KIT: variants seen among roughly 807,000 people sequenced by gnomAD.
KIT encodes the protein KIT proto-oncogene, receptor tyrosine kinase.
A neutral mutation model predicts 105.7 loss-of-function variants in KIT; 16 were observed. The ratio of observed to expected loss-of-function variants is 0.15; its 90% CI spans 0.10 to 0.23. The LOEUF is 0.23. KIT is among the 10% of genes least tolerant of loss of function. KIT has a pLI of 1.00. For synonymous variants in KIT, 438 were observed against 441.1 expected (o/e 0.99, Z 0.09); for missense variants, 858 against 1,213.8 (o/e 0.71, Z 4.36).
At chr4:54,737,148 G>A in intron 19 of KIT, 27 bp from the exon 20 acceptor site, 2 of 1,429,352 alleles carry the variant, frequency 1.4e-6, no homozygotes, top group South Asian at 1.1e-5. Context: ...CATTGAGGAG[G>A]GATAGTAAAT....
intron 1 of KIT, among the ~76,000 whole-genome samples, chr4:54,671,854 A>T (rs1308212013): frequency 1.3e-5 from 2 of 152,190 alleles, no homozygotes; most frequent in African/African-American, 4.8e-5. Flanking sequence ...ACACTTACCA[A>T]TACGGCCTCT....
In KIT at chr4:54,724,713, G is replaced by A. The variant is rs1036747808; in HGVS notation, c.1346+1015G>A. On this transcript the variant is annotated intron_variant, in intron 8 of 20. Coordinates refer to ENST00000288135, the MANE Select transcript of KIT (RefSeq NM_000222.3). Reference sequence around the variant, plus strand: ...ACACTGGAAGAAGACGACTGTCTTAGGCCACACATAAAATATAGTAACACT... The same window carrying A: ...ACACTGGAAGAAGACGACTGTCTTAAGCCACACATAAAATATAGTAACACT... Among the ~76,000 whole-genome samples, 21 of 151,682 alleles carry A rather than the reference G, an allele frequency of 1.4e-4. 1 individual carries two copies. The highest frequency in any genetic ancestry group is 4.4e-5 in the Non-Finnish European group (3 of 67,980).
intron 20 of KIT, 70 bp from the exon 21 acceptor site, chr4:54,738,358 TG>T (rs1388723760): frequency 6.4e-7 from 1 of 1,563,284 alleles, no homozygotes; most frequent in Non-Finnish European, 8.8e-7. Context: ...ATCTTGACAC[TG>T]TAAGTATGCC....
At chr4:54,696,725 C>T (rs1002271503) in intron 2 of KIT, among the ~76,000 whole-genome samples, 1 of 152,244 alleles carries the variant, frequency 6.6e-6, no homozygotes, top group Non-Finnish European at 1.5e-5. Flanking sequence ...TTCTAACATG[C>T]TCCATCAGGA....
At chr4:54,696,213 A>G (rs1372159859) in intron 2 of KIT, among the ~76,000 whole-genome samples, 1 of 152,198 alleles carries the variant, frequency 6.6e-6, no homozygotes, top group Non-Finnish European at 1.5e-5. Context: ...TAAGGAGTAA[A>G]TTTCAGAAAA....
chr4:54,698,487 C>A lies in KIT; in HGVS notation c.541C>A (p.Arg181=), dbSNP rs2109674102. ...MIKSVKRAYH[R]LCLHCSVDQE... is the part of the protein sequence containing the mutation. ...CAAAAGTGTGAAACGCGCCTACCATCGGCTCTGTCTGCATTGTTCTGTGGA... is the reference window on the plus strand; with the variant it reads ...CAAAAGTGTGAAACGCGCCTACCATAGGCTCTGTCTGCATTGTTCTGTGGA... Residue 181 remains arginine (R), a synonymous_variant, in exon 3 of 21, where the codon CGG becomes AGG. Transcript: ENST00000288135. 1 of 1,614,188 alleles carries A rather than the reference C, an allele frequency of 6.2e-7. No individual in the cohort carries two copies. Among genetic ancestry groups the A allele is most frequent in the Non-Finnish European group, 8.5e-7 (1 of 1,180,038 alleles).
At chr4:54,663,128 T>C (rs1303062662) in intron 1 of KIT, among the ~76,000 whole-genome samples, 1 of 152,216 alleles carries the variant, frequency 6.6e-6, no homozygotes, top group Non-Finnish European at 1.5e-5. Flanking sequence ...CATCTTCCCA[T>C]GCATACCTTT....
intron 1 of KIT, among the ~76,000 whole-genome samples, chr4:54,673,375 C>T (rs550211765): frequency 1.3e-3 from 196 of 152,250 alleles, no homozygotes; most frequent in Non-Finnish European, 2.2e-3. Flanking sequence ...TCCTCCTTTC[C>T]GTCTTCTGGT....
Position 54,736,817 on chromosome 4 carries a change from A to C in KIT, c.2693A>C (p.Glu898Ala), listed in dbSNP as rs761840504. The stretch of plus-strand genomic sequence containing the variant: ...CTCAGCCCTGAACACGCACCTGCTG[A>C]AATGTAAGAGCCAAAAAATTTTTCC... ...RMLSPEHAPA[E>A]MYDIMKTCWD... Residue 898 changes from glutamate (E) to alanine (A), a missense_variant, in exon 19 of 21, where the codon GAA becomes GCA. By Grantham distance (107) the Glu-to-Ala change is moderately radical. This residue lies in a region of KIT where 105 missense variants were observed against 103.5 expected (regional missense o/e 1.01). Transcript: ENST00000288135. 2 of 1,613,842 alleles carry C rather than the reference A, an allele frequency of 1.2e-6. No homozygotes were observed. Among genetic ancestry groups the C allele is most frequent in the Middle Eastern group, 1.6e-4 (1 of 6,062 alleles).
chr4:54,720,880 C>A (rs552177531), intron 7 of KIT, among the ~76,000 whole-genome samples: 2 of 152,162 alleles, frequency 1.3e-5, no homozygotes, highest in African/African-American at 4.8e-5. Flanking sequence ...ATAAAAAATT[C>A]ATGTTGTCAG....
rs572852980 is a variant in KIT, at chr4:54,731,880, T to C, written c.2243T>C (p.Ile748Thr). The C allele has an allele frequency of 8.1e-6, 13 of 1,613,434 alleles. No homozygotes were observed. The East Asian group carries it at 1.1e-4, about 14-fold the overall frequency. Residue 748 changes from isoleucine (I) to threonine (T), a missense_variant, in exon 16 of 21, where the codon ATA becomes ACA. Physicochemically the swap from Ile to Thr is moderately conservative, Grantham distance 89. Transcript: ENST00000288135. ...CCTCTCTTCCTCACAGGCTCATACA[T>C]AGAAAGAGATGTGACTCCCGCCATC... ...KRRSVRIGSYIERDVTPAIME... is the reference protein window; with the variant it reads ...KRRSVRIGSYTERDVTPAIME...
chr4:54,723,531 G>A, intron 7 of KIT, 53 bp from the exon 8 acceptor site: 9 of 1,176,194 alleles, frequency 7.7e-6, no homozygotes, highest in Non-Finnish European at 1.1e-5. Context: ...TGAAGTGAAT[G>A]TTGCTGAGGT....
chr4:54,662,081 C>T (rs1717314811), intron 1 of KIT, among the ~76,000 whole-genome samples: 1 of 152,154 alleles, frequency 6.6e-6, no homozygotes. Flanking sequence ...TCTGTCTCCT[C>T]TTTAAGAATT....
At chr4:54,659,154 C>T (rs546399595) in intron 1 of KIT, among the ~76,000 whole-genome samples, 2 of 152,332 alleles carry the variant, frequency 1.3e-5, no homozygotes, top group East Asian at 3.9e-4. Context: ...TCAGGGCTGC[C>T]TGGGGGTGGG....
chr4:54,696,448 A>C (rs1223244961), intron 2 of KIT, among the ~76,000 whole-genome samples: 1 of 152,172 alleles, frequency 6.6e-6, no homozygotes. Flanking sequence ...GTAAAAACTG[A>C]TCCACTGGCA....
At chr4:54,697,242 G>A (rs1720133228) in intron 2 of KIT, among the ~76,000 whole-genome samples, 1 of 152,182 alleles carries the variant, frequency 6.6e-6, no homozygotes, top group Admixed American at 6.5e-5. Context: ...AATTAGTAAG[G>A]TTGGGAGATG....
In KIT at chr4:54,691,265, C is replaced by T. The variant is rs557844332; in HGVS notation, c.68-4247C>T. ...TATTACTGTGCTAGAGGGAAAAGTA[C>T]GATTTAGGATCCTTACCTGCAGGAT... is the stretch of plus-strand genomic sequence containing the variant. On this transcript the variant is annotated intron_variant, in intron 1 of 20. Coordinates refer to ENST00000288135, the MANE Select transcript of KIT (RefSeq NM_000222.3). 1.4e-4 allele frequency among the ~76,000 whole-genome samples: 21 copies of T among 152,146 alleles called. No homozygotes were observed. In the South Asian group the frequency reaches 2.5e-3, roughly 18 times the overall value.
Position 54,738,968 on chromosome 4 carries a change from CT to C in KIT, c.*412del. ...TAGTATGATGATACAAGATTAGAAGCTGAAAACCTAAGTCCTTTATGTGGAA... is the reference window on the plus strand; with the variant it reads ...TAGTATGATGATACAAGATTAGAAGCGAAAACCTAAGTCCTTTATGTGGAA... On this transcript the variant is annotated 3_prime_UTR_variant, in exon 21 of 21. Coordinates refer to ENST00000288135, the MANE Select transcript of KIT (RefSeq NM_000222.3). 3.9e-6 allele frequency: 2 copies of C among 510,594 alleles called. No homozygotes were observed. The highest frequency in any genetic ancestry group is 6.8e-6 in the Non-Finnish European group (2 of 292,666). The allele number at this position is 510,594 out of a possible 1,614,324, so 31.6% of individuals were successfully genotyped here.
At chr4:54,679,681 T>G (rs2109600564) in intron 1 of KIT, among the ~76,000 whole-genome samples, 1 of 152,280 alleles carries the variant, frequency 6.6e-6, no homozygotes, top group East Asian at 1.9e-4. Context: ...TATAGCATTT[T>G]TAAGAGCTAG....
Sources: allele counts gnomAD v4.1 joint callset (sites outside exome capture counted in the v4.1 genomes callset), GRCh38; gene constraint gnomAD v4.1.1; regional missense constraint gnomAD v4.1.1; transcripts MANE v1.5; gene names NCBI Gene and HGNC (gene_info 2026-07-23, HGNC 2026-07-21).